The following PHF21A variants were observed in gnomAD, a reference collection of about 807,000 sequenced individuals.
PHF21A encodes the protein PHD finger protein 21A, also known as BHC80a.
A neutral mutation model predicts 82.5 loss-of-function variants in PHF21A; 11 were observed. The observed-to-expected ratio is 0.13, with a 90% CI of 0.08 to 0.22. PHF21A has a LOEUF of 0.22. Among genes scored for constraint, PHF21A ranks in the 10% least tolerant of loss-of-function variants. PHF21A has a pLI of 1.00. For synonymous variants in PHF21A, 297 were observed against 302.8 expected, an observed-to-expected ratio of 0.98 and a Z score of 0.20; for missense variants, 579 against 837.8, an observed-to-expected ratio of 0.69 and a Z score of 3.81.
At chr11:46,078,156 A>C (rs143591811) in intron 5 of PHF21A, among the ~76,000 whole-genome samples, 1 of 152,356 alleles carries the variant, frequency 6.6e-6, no homozygotes, top group African/African-American at 2.4e-5. Flanking sequence ...TTCTCACGGA[A>C]GTAGGATCAT....
Position 45,969,842 on chromosome 11 carries a change from G to C in PHF21A, c.675C>G (p.Leu225=), listed in dbSNP as rs140142221. ...KVPQFIPPPR[L]TPRPNFLPQV... is the part of the protein sequence containing the mutation. ...GTGGAAGAAAGTTTGGACGTGGAGT[G>C]AGTCTAGGAGGGGGGATAAACTGTG... Residue 225 remains leucine, a synonymous_variant, in exon 9 of 19, where the codon CTC becomes CTG. Transcript: ENST00000676320. 1.9e-6 allele frequency: 3 copies of C among 1,613,566 alleles called. No homozygotes were observed. In the African/African-American group the frequency reaches 4.0e-5, roughly 22 times the overall value.
intron 18 of PHF21A, 194 bp from the exon 19 acceptor site, chr11:45,934,419 T>A: frequency 1.8e-6 from 1 of 561,360 alleles, no homozygotes; most frequent in Non-Finnish European, 3.1e-6. Flanking sequence ...GTGGAGTGGG[T>A]AGGCTGGGGG....
chr11:46,066,678 G>A (rs967087494), intron 6 of PHF21A, among the ~76,000 whole-genome samples: 10 of 152,054 alleles, frequency 6.6e-5, no homozygotes, highest in African/African-American at 2.2e-4. Flanking sequence ...CAGCTTGGGC[G>A]ACAGAGCAAG....
chr11:46,107,908 TTGAG>T (rs2097169432), intron 1 of PHF21A, among the ~76,000 whole-genome samples: 1 of 152,094 alleles, frequency 6.6e-6, no homozygotes, highest in Admixed American at 6.5e-5. Flanking sequence ...TTGGTAGTGG[TTGAG>T]TGAGTAGGGA....
intron 6 of PHF21A, among the ~76,000 whole-genome samples, chr11:46,015,612 C>T (rs1319271753): frequency 2.0e-5 from 3 of 151,928 alleles, no homozygotes; most frequent in Non-Finnish European, 2.9e-5. Context: ...TATAAAAATA[C>T]TTTTTTTATC....
chr11:46,030,126 A>T (rs2095836099), intron 6 of PHF21A, among the ~76,000 whole-genome samples: 1 of 152,258 alleles, frequency 6.6e-6, no homozygotes, highest in Non-Finnish European at 1.5e-5. Context: ...ACAATAGAGC[A>T]AACTGCTGAC....
At chr11:46,064,742 C>T (rs183485406) in intron 6 of PHF21A, among the ~76,000 whole-genome samples, 173 of 151,964 alleles carry the variant, frequency 1.1e-3, no homozygotes, top group African/African-American at 3.9e-3. Flanking sequence ...ATATCAACAA[C>T]GATAATGATA....
At chr11:46,032,615 T>C (rs1302038494) in intron 6 of PHF21A, among the ~76,000 whole-genome samples, 3 of 152,202 alleles carry the variant, frequency 2.0e-5, no homozygotes, top group African/African-American at 7.2e-5. Context: ...GGTAGCCTAA[T>C]TTAAAATGTA....
At chr11:45,942,298 G>C (rs1301166483) in intron 15 of PHF21A, among the ~76,000 whole-genome samples, 1 of 152,136 alleles carries the variant, frequency 6.6e-6, no homozygotes, top group Admixed American at 6.5e-5. Context: ...ATCTTTCAAA[G>C]AAAACCATAA....
At chr11:45,992,250 C>T (rs1285624570) in intron 6 of PHF21A, among the ~76,000 whole-genome samples, 1 of 151,886 alleles carries the variant, frequency 6.6e-6, no homozygotes, top group Non-Finnish European at 1.5e-5. Flanking sequence ...GAAAATTTTT[C>T]AGCCCGGCAT....
intron 6 of PHF21A, among the ~76,000 whole-genome samples, chr11:46,076,415 A>C (rs1206622325): frequency 1.3e-5 from 2 of 152,222 alleles, no homozygotes; most frequent in Non-Finnish European, 2.9e-5. Flanking sequence ...AACAAGGTAC[A>C]CGCAGCACCT....
intron 4 of PHF21A, among the ~76,000 whole-genome samples, chr11:46,081,265 T>A (rs921477214): frequency 1.3e-5 from 2 of 152,198 alleles, no homozygotes; most frequent in African/African-American, 4.8e-5. Flanking sequence ...TGGTAGTAGC[T>A]CTTCTATATC....
At chr11:45,935,023 A>G in intron 18 of PHF21A, 1 of 959,544 alleles carries the variant, frequency 1.0e-6, no homozygotes, top group Non-Finnish European at 1.5e-6. Flanking sequence ...ACTCAATGGA[A>G]AAGAAGACTG....
intron 6 of PHF21A, among the ~76,000 whole-genome samples, chr11:46,004,420 GA>G (rs1196394045): frequency 6.6e-6 from 1 of 152,110 alleles, no homozygotes; most frequent in Middle Eastern, 3.2e-3. Flanking sequence ...TAATAGATAA[GA>G]AATAAGAGAC....
chr11:46,035,664 GGAA>G (rs1341918438), intron 6 of PHF21A, among the ~76,000 whole-genome samples: 1 of 152,190 alleles, frequency 6.6e-6, no homozygotes, highest in African/African-American at 2.4e-5. Context: ...AAGGCCTCTA[GGAA>G]GAAGTAGTTT....
intron 6 of PHF21A, among the ~76,000 whole-genome samples, chr11:45,997,269 T>C (rs1283512360): frequency 2.0e-5 from 3 of 152,218 alleles, no homozygotes; most frequent in Non-Finnish European, 4.4e-5. Context: ...CAAACTTACA[T>C]TGCTGTATGT....
At chr11:46,098,844 A>T (rs2097045713) in intron 1 of PHF21A, among the ~76,000 whole-genome samples, 1 of 152,196 alleles carries the variant, frequency 6.6e-6, no homozygotes, top group Admixed American at 6.5e-5. Flanking sequence ...GTAAACCATA[A>T]GCACCAAGGA....
At position 45,950,263 on chromosome 11, in the gene PHF21A, C is replaced by T; in HGVS notation, c.1096-6G>A. ...GACACCATGAAGGCAAGTTTCTGTG[C>T]CAGAGAAACAAAAGAAGAATATGCT... On this transcript the variant is annotated splice_polypyrimidine_tract_variant and splice_region_variant and intron_variant, in intron 11 of 18. Transcript: ENST00000676320. 6.2e-7 allele frequency: 1 copy of T among 1,607,460 alleles called. No individual in the cohort carries two copies. The highest frequency in any genetic ancestry group is 8.5e-7 in the Non-Finnish European group (1 of 1,175,862).
At chr11:46,023,300 G>C in intron 6 of PHF21A, among the ~76,000 whole-genome samples, 1 of 152,284 alleles carries the variant, frequency 6.6e-6, no homozygotes. Flanking sequence ...TAATTACTGA[G>C]GCCCCTTCTA....
Sources: gnomAD v4.1 joint callset for allele counts (sites outside exome capture counted in the v4.1 genomes callset) on GRCh38, gnomAD v4.1.1 for gene constraint, MANE v1.5 for transcripts, NCBI Gene and HGNC (gene_info 2026-07-23, HGNC 2026-07-21) for gene names.